The following MLC1 variants were observed in gnomAD, a reference collection of about 807,000 sequenced individuals.
MLC1 encodes the protein membrane protein MLC1.
In MLC1, 32 loss-of-function variants were observed where a neutral mutation model predicts 44.7. The observed-to-expected ratio is 0.72, with a 90% CI of 0.54 to 0.96. MLC1 has a LOEUF of 0.96. Among genes scored for constraint, MLC1 ranks in the 40% least tolerant of loss-of-function variants. The pLI, the probability that MLC1 is intolerant of heterozygous loss-of-function variation, is 0.00. For synonymous variants in MLC1, 190 were observed against 213.0 expected (o/e 0.89, Z 0.94); for missense variants, 459 against 492.2 (o/e 0.93, Z 0.64).
intron 8 of MLC1, among the ~76,000 whole-genome samples, chr22:50,073,426 G>T (rs368349585): frequency 6.6e-6 from 1 of 152,200 alleles, no homozygotes; most frequent in South Asian, 2.1e-4. Flanking sequence ...GGGGATCTGG[G>T]GTGTGGAGGG....
chr22:50,063,577 TCGTGTGGCCCTCGGAGG>T (rs1324204035), intron 11 of MLC1, among the ~76,000 whole-genome samples: 1 of 151,832 alleles, frequency 6.6e-6, no homozygotes, highest in Non-Finnish European at 1.5e-5. Flanking sequence ...GAGGGCCACG[TCGTGTGGCCCTCGGAGG>T]CCCTCACCAG....
At chr22:50,061,868 C>CCG (rs1412356259) in intron 11 of MLC1, among the ~76,000 whole-genome samples, 1 of 152,212 alleles carries the variant, frequency 6.6e-6, no homozygotes, top group Non-Finnish European at 1.5e-5. Flanking sequence ...CATCCCCCCC[C>CCG]GCACACACGG....
intron 8 of MLC1, among the ~76,000 whole-genome samples, chr22:50,073,369 G>A (rs1304516131): frequency 1.3e-5 from 2 of 152,244 alleles, no homozygotes; most frequent in Non-Finnish European, 2.9e-5. Context: ...TGGGGTCTGC[G>A]TCCGGAGGCA....
At position 50,076,840 on chromosome 22, in the gene MLC1, C is replaced by T. The variant is rs1569248367; in HGVS notation, c.597+1G>A. ...AAGAGAAAGAAGGGAAGTTTTCTTA[C>T]TGAGTAAGATTTCAGGACCCGAGCA... On this transcript the variant is annotated splice_donor_variant, in intron 7 of 11. Transcript: ENST00000311597. LOFTEE classifies it high-confidence loss of function. 6.2e-7 allele frequency: 1 copy of T among 1,613,714 alleles called. No individual in the cohort carries two copies. The highest frequency in any genetic ancestry group is 8.5e-7 in the Non-Finnish European group (1 of 1,179,678).
intron 10 of MLC1, among the ~76,000 whole-genome samples, chr22:50,065,647 G>C (rs1053545912): frequency 7.2e-5 from 11 of 152,330 alleles, no homozygotes; most frequent in East Asian, 5.8e-4. Context: ...TGAGACGGAG[G>C]TGCTCCCACC....
At chr22:50,070,682 CCTGG>C in intron 8 of MLC1, 99 bp from the exon 9 acceptor site, 1 of 1,319,640 alleles carries the variant, frequency 7.6e-7, no homozygotes, top group Non-Finnish European at 1.1e-6. Context: ...ATGCAGGCTG[CCTGG>C]CTGGCTTGCT....
Position 50,079,987 on chromosome 22 carries a change from C to T in MLC1, c.354G>A (p.Thr118=), listed in dbSNP as rs201819346. The change falls in exon 5 of 12, where the codon ACG becomes ACA. Residue 118 remains threonine (T), a synonymous_variant. Coordinates refer to ENST00000311597, the MANE Select transcript of MLC1 (RefSeq NM_015166.4). ...TTAAACACGTAGTGGTCACAGCAAA[C>T]GTGGAAACAAACAATATCTGAAAGT... ...IPNFQILFVS[T]FAVTTTCLIW... 5.7e-5 allele frequency: 92 copies of T among 1,614,046 alleles called. No individual in the cohort carries two copies. Among genetic ancestry groups the T allele is most frequent in the Admixed American group, 3.8e-4 (23 of 60,026 alleles).
In MLC1 at chr22:50,081,009, A is replaced by AAAGAAAGAAAGAAAGAAAGAAAGAAAG. The variant is rs1555967987; in HGVS notation, c.268-613_268-612insCTTTCTTTCTTTCTTTCTTTCTTTCTT. Among the ~76,000 whole-genome samples, 4 of 96,740 alleles carry AAAGAAAGAAAGAAAGAAAGAAAGAAAG rather than the reference A, an allele frequency of 4.1e-5. 1 individual carries two copies. The highest frequency in any genetic ancestry group is 7.3e-4 in the South Asian group (2 of 2,724). The allele number at this position is 96,740 out of a possible 152,430, so 63.5% of individuals were successfully genotyped here. A position where few individuals can be genotyped will look rare whatever the true frequency, so the allele number is the denominator to read the frequency against. On this transcript the variant is annotated intron_variant, in intron 3 of 11. Transcript: ENST00000311597. Reference sequence around the variant, plus strand: ...TGATAGAGTGAGACCTTGTCTCAAAAAAAGAAAGAAAGAAAGAAAGAAAGA... The same window carrying AAAGAAAGAAAGAAAGAAAGAAAGAAAG: ...TGATAGAGTGAGACCTTGTCTCAAAAAAGAAAGAAAGAAAGAAAGAAAGAAAGAAAGAAAGAAAGAAAGAAAGAAAGA...
rs1339077244 is a variant in MLC1, at chr22:50,070,567, A to G, written c.731T>C (p.Ile244Thr). The change falls in exon 9 of 12, where the codon ATT becomes ACT. Residue 244 changes from isoleucine (I) to threonine (T), a missense_variant. Transcript: ENST00000311597. ...WILVACFPSA[I>T]ASHVAAECPS... ...ACACTCTGCTGCCACATGACTGGCA[A>G]TGGCACTTGGAAAGCACTAAGAGAA... The G allele has an allele frequency of 6.4e-7, 1 of 1,565,138 alleles. No homozygotes were observed. Among genetic ancestry groups the G allele is most frequent in the Non-Finnish European group, 8.7e-7 (1 of 1,153,966 alleles).
chr22:50,070,883 C>T (rs2061835572), intron 8 of MLC1, among the ~76,000 whole-genome samples: 1 of 152,190 alleles, frequency 6.6e-6, no homozygotes. Flanking sequence ...CCCAAAATCA[C>T]CAGAGTCCTT....
chr22:50,072,428 C>T (rs189481269), intron 8 of MLC1, among the ~76,000 whole-genome samples: 75 of 152,342 alleles, frequency 4.9e-4, no homozygotes, highest in African/African-American at 1.7e-3. Flanking sequence ...CATGCCTCAG[C>T]GCTCTCCTCT....
chr22:50,074,136 A>T, intron 8 of MLC1, 80 bp downstream of exon 8: 1 of 1,203,640 alleles, frequency 8.3e-7, no homozygotes, highest in Non-Finnish European at 1.2e-6. Context: ...ATGCACCAAG[A>T]CTGAGCTCGG....
At chr22:50,069,793 T>G (rs924369503) in intron 9 of MLC1, among the ~76,000 whole-genome samples, 3 of 152,206 alleles carry the variant, frequency 2.0e-5, no homozygotes, top group Non-Finnish European at 4.4e-5. Flanking sequence ...CCATCAAGTC[T>G]CAGAGACAGC....
At chr22:50,080,510 G>A in intron 3 of MLC1, 113 bp from the exon 4 acceptor site, 1 of 1,188,572 alleles carries the variant, frequency 8.4e-7, no homozygotes, top group Non-Finnish European at 1.2e-6. Context: ...ACAAAACAGT[G>A]TTGCCAGTCC....
In MLC1 at chr22:50,074,302, C is replaced by G. The variant is rs11568178; in HGVS notation, c.628G>C (p.Val210Leu). 1 of 1,613,982 alleles carries G rather than the reference C, an allele frequency of 6.2e-7. No individual in the cohort carries two copies. ...TTCAGGGCAATGATCCCCCCGAGGA[C>G]GGCAGAGATGCCTGCGATTACCTCG... is the stretch of plus-strand genomic sequence containing the variant. The part of the protein sequence containing the change: ...VVEVIAGISA[V>L]LGGIIALNVD... Residue 210 changes from valine to leucine, a missense_variant, in exon 8 of 12, where the codon GTC becomes CTC. Physicochemically the swap from Val to Leu is conservative, Grantham distance 32. Coordinates refer to ENST00000311597, the MANE Select transcript of MLC1 (RefSeq NM_015166.4).
At chr22:50,077,783 A>T (rs774693942) in intron 5 of MLC1, among the ~76,000 whole-genome samples, 20 of 152,168 alleles carry the variant, frequency 1.3e-4, no homozygotes, top group Non-Finnish European at 2.5e-4. Context: ...TACCGACCCC[A>T]TTCTGAACGC....
chr22:50,064,336 G>T, intron 10 of MLC1, 138 bp from the exon 11 acceptor site: 1 of 972,500 alleles, frequency 1.0e-6, no homozygotes, highest in Non-Finnish European at 1.6e-6. Flanking sequence ...CAAACGCATT[G>T]CTATTTCAAC....
intron 8 of MLC1, among the ~76,000 whole-genome samples, chr22:50,073,533 C>T (rs2061908431): frequency 6.6e-6 from 1 of 152,096 alleles, no homozygotes; most frequent in African/African-American, 2.4e-5. Flanking sequence ...GAGTTCAAGA[C>T]CAGCCTGGCC....
At position 50,083,310 on chromosome 22, in the gene MLC1, G is replaced by C; in HGVS notation, c.178-137C>G. On this transcript the variant is annotated intron_variant, in intron 2 of 11. Coordinates refer to ENST00000311597, the MANE Select transcript of MLC1 (RefSeq NM_015166.4). The surrounding 1 kb of genome is among the most constrained non-coding windows in gnomAD (Gnocchi z 4.6). ...CCAGCATCAACCACACCCGCACCTG[G>C]GACCCGCCCATCCTGGACTCCTCCT... 1.3e-6 allele frequency: 1 copy of C among 780,830 alleles called. No homozygotes were observed. Among genetic ancestry groups the C allele is most frequent in the Non-Finnish European group, 2.2e-6 (1 of 458,776 alleles). The allele number at this position is 780,830 out of a possible 1,614,324, so 48.4% of individuals were successfully genotyped here.
Sources: gnomAD v4.1 joint callset for allele counts (sites outside exome capture counted in the v4.1 genomes callset) on GRCh38, gnomAD v4.1.1 for gene constraint, Gnocchi (gnomAD v3.1) non-coding constraint, MANE v1.5 for transcripts, NCBI Gene and HGNC (gene_info 2026-07-23, HGNC 2026-07-21) for gene names.